Variants in PRKCB observed in about 807,000 individuals in gnomAD.
PRKCB encodes protein kinase C beta.
A neutral mutation model predicts 81.5 loss-of-function variants in PRKCB; 13 were observed. The ratio of observed to expected loss-of-function variants is 0.16; its 90% CI spans 0.10 to 0.25. The LOEUF (loss-of-function observed/expected upper bound fraction) is 0.25, where lower values mean the gene tolerates loss of function less well. Among genes scored for constraint, PRKCB ranks in the 10% least tolerant of loss-of-function variants. The pLI is 1.00. For synonymous variants in PRKCB, 335 were observed against 321.4 expected (o/e 1.04, Z -0.45); for missense variants, 509 against 875.7 (o/e 0.58, Z 5.29).
chr16:23,974,589 C>G (rs1367257907), intron 2 of PRKCB, among the ~76,000 whole-genome samples: 1 of 152,198 alleles, frequency 6.6e-6, no homozygotes, highest in Admixed American at 6.5e-5. Context: ...ACCCCTCGTC[C>G]TGGAAGAGTG....
At chr16:24,114,498 C>T (rs1567379783) in intron 8 of PRKCB, among the ~76,000 whole-genome samples, 1 of 151,978 alleles carries the variant, frequency 6.6e-6, no homozygotes, top group Non-Finnish European at 1.5e-5. Context: ...AGTTACATTG[C>T]TGGCTCTGCT....
intron 15 of PRKCB, among the ~76,000 whole-genome samples, chr16:24,186,681 G>A (rs976814180): frequency 6.6e-6 from 1 of 152,180 alleles, no homozygotes; most frequent in African/African-American, 2.4e-5. Flanking sequence ...GCACTGTCTT[G>A]GGTGAAGGAA....
At chr16:24,185,404 C>G in intron 14 of PRKCB, 56 bp from the exon 15 acceptor site, 1 of 1,506,156 alleles carries the variant, frequency 6.6e-7, no homozygotes, top group Non-Finnish European at 9.2e-7. Flanking sequence ...TTGAGGGGAG[C>G]TAGGGGGAGG....
At chr16:23,848,149 A>T (rs1962410499) in intron 2 of PRKCB, among the ~76,000 whole-genome samples, 1 of 152,120 alleles carries the variant, frequency 6.6e-6, no homozygotes, top group Non-Finnish European at 1.5e-5. Context: ...GTGGGAGGTG[A>T]ACGTCATATC....
At chr16:24,182,921 C>T (rs1299427238) in intron 13 of PRKCB, among the ~76,000 whole-genome samples, 1 of 58,344 alleles carries the variant, frequency 1.7e-5, no homozygotes, top group Non-Finnish European at 3.1e-5. Flanking sequence ...GGGTCTCACT[C>T]TGTCTACTCA....
intron 2 of PRKCB, among the ~76,000 whole-genome samples, chr16:23,915,584 G>C (rs1882904117): frequency 6.7e-6 from 1 of 150,144 alleles, no homozygotes; most frequent in Non-Finnish European, 1.5e-5. Context: ...CCAGCTACTA[G>C]TGGACACTGA....
At chr16:24,175,495 C>T (rs1348295313) in intron 12 of PRKCB, among the ~76,000 whole-genome samples, 4 of 151,748 alleles carry the variant, frequency 2.6e-5, no homozygotes, top group African/African-American at 7.3e-5. Flanking sequence ...ATCATAAAAA[C>T]ATAGTCTGCC....
chr16:23,967,152 G>T (rs1028313328), intron 2 of PRKCB, among the ~76,000 whole-genome samples: 11 of 152,148 alleles, frequency 7.2e-5, no homozygotes, highest in Admixed American at 4.6e-4. Flanking sequence ...GGATTTCAAG[G>T]TCGTTGGTGT....
At chr16:24,204,260 G>A (rs1299225769) in intron 16 of PRKCB, among the ~76,000 whole-genome samples, 3 of 152,082 alleles carry the variant, frequency 2.0e-5, no homozygotes, top group African/African-American at 7.2e-5. Flanking sequence ...AATTGTTGGA[G>A]CCAGGATTGG....
chr16:24,085,895 C>T (rs1485683404), intron 5 of PRKCB, among the ~76,000 whole-genome samples: 2 of 152,176 alleles, frequency 1.3e-5, no homozygotes, highest in Non-Finnish European at 2.9e-5. Context: ...GGAAGTCTGT[C>T]TCAACACAGA....
intron 5 of PRKCB, among the ~76,000 whole-genome samples, chr16:24,048,694 G>T (rs1351333517): frequency 6.6e-6 from 1 of 152,056 alleles, no homozygotes; most frequent in Non-Finnish European, 1.5e-5. Flanking sequence ...GTTTCACCAT[G>T]TTGGTCAGGC....
intron 5 of PRKCB, among the ~76,000 whole-genome samples, chr16:24,056,677 C>T (rs1265144318): frequency 5.9e-5 from 9 of 152,048 alleles, no homozygotes; most frequent in African/African-American, 1.9e-4. Flanking sequence ...AGTCTGGCAC[C>T]TCCCCTCTCT....
chr16:23,852,054 T>C (rs777622832), intron 2 of PRKCB, among the ~76,000 whole-genome samples: 2 of 152,230 alleles, frequency 1.3e-5, no homozygotes, highest in Non-Finnish European at 2.9e-5. Context: ...AAAATCACCT[T>C]GTCAACAAAT....
intron 2 of PRKCB, among the ~76,000 whole-genome samples, chr16:23,892,461 A>G (rs1198958580): frequency 6.6e-6 from 1 of 152,196 alleles, no homozygotes; most frequent in East Asian, 1.9e-4. Context: ...CAGAGCTTTA[A>G]TCTTAAGGGA....
At chr16:24,097,823 A>G (rs945516890) in intron 7 of PRKCB, among the ~76,000 whole-genome samples, 1 of 152,184 alleles carries the variant, frequency 6.6e-6, no homozygotes, top group African/African-American at 2.4e-5. Flanking sequence ...CTGATTGGCA[A>G]TTGGTTGAAT....
Position 23,905,624 on chromosome 16 carries a change from C to T in PRKCB, c.205+68218C>T, listed in dbSNP as rs59355451. 3.3e-3 allele frequency among the ~76,000 whole-genome samples: 508 copies of T among 152,290 alleles called. 3 individuals carry two copies. The highest frequency in any genetic ancestry group is 0.019 in the East Asian group (96 of 5,180). ...TAAATCTGACAACTCCAGAGAGTCTCCTAGAACCAGTTTCCTGTATTTTCT... is the reference window on the plus strand; with the variant it reads ...TAAATCTGACAACTCCAGAGAGTCTTCTAGAACCAGTTTCCTGTATTTTCT... On this transcript the variant is annotated intron_variant, in intron 2 of 16. Transcript: ENST00000643927.
At chr16:24,105,461 C>T (rs1022814879) in intron 7 of PRKCB, among the ~76,000 whole-genome samples, 11 of 151,988 alleles carry the variant, frequency 7.2e-5, no homozygotes, top group Non-Finnish European at 1.6e-4. Context: ...GTTTGCTGCA[C>T]CTATCAACCT....
rs1324299533 is a variant in PRKCB, at chr16:24,123,963, G to A, written c.1047G>A (p.Gly349=). 7 of 1,614,168 alleles carry A rather than the reference G, an allele frequency of 4.3e-6. No homozygotes were observed. Among genetic ancestry groups the A allele is most frequent in the Non-Finnish European group, 5.9e-6 (7 of 1,180,010 alleles). Reference sequence around the variant, plus strand: ...ATTTTAACTTCCTAATGGTGCTGGGGAAAGGCAGCTTTGGCAAGGTATGGT... The same window carrying A: ...ATTTTAACTTCCTAATGGTGCTGGGAAAAGGCAGCTTTGGCAAGGTATGGT... ...LTDFNFLMVL[G]KGSFGKVMLS... The change falls in exon 9 of 17, where the codon GGG becomes GGA. Residue 349 remains glycine, a synonymous_variant. Transcript: ENST00000643927.
At chr16:23,984,566 T>C (rs1238399587) in intron 2 of PRKCB, among the ~76,000 whole-genome samples, 2 of 151,776 alleles carry the variant, frequency 1.3e-5, no homozygotes, top group Admixed American at 6.6e-5. Flanking sequence ...TTCTTTAACA[T>C]GATAGAAAGA....
Sources: gnomAD v4.1 joint callset for allele counts (sites outside exome capture counted in the v4.1 genomes callset) on GRCh38, gnomAD v4.1.1 for gene constraint, MANE v1.5 for transcripts, NCBI Gene and HGNC (gene_info 2026-07-23, HGNC 2026-07-21) for gene names.